The following ASTN1 variants were observed in gnomAD, a reference collection of about 807,000 sequenced individuals.
ASTN1 encodes astrotactin 1.
A neutral mutation model predicts 140.7 loss-of-function variants in ASTN1; 41 were observed. The observed-to-expected ratio is 0.29, with a 90% confidence interval of 0.23 to 0.38. ASTN1 has a LOEUF of 0.38. Among genes scored for constraint, ASTN1 ranks in the 10% least tolerant of loss-of-function variants. The probability of loss-of-function intolerance (pLI) is 1.00; values close to 1 mark genes in which losing one functional copy is unlikely to be tolerated. For missense variants in ASTN1, 1,479 were observed against 1,678.8 expected (o/e 0.88, Z 2.08); for synonymous variants, 640 against 652.2 (o/e 0.98, Z 0.29).
rs139750064 is a variant in ASTN1 at position 177,024,659 on chromosome 1, G to C, written c.1194C>G (p.Leu398=). 6.8e-6 allele frequency: 11 copies of C among 1,613,962 alleles called. No homozygotes were observed. Among genetic ancestry groups the C allele is most frequent in the Non-Finnish European group, 9.3e-6 (11 of 1,179,980 alleles). The stretch of plus-strand genomic sequence containing the variant: ...GGCAGTTGACGTGAGAGGAGCACAC[G>C]AGGCCAATCACACAGCTGGTGATGC... ...LISITSCVIG[L]VCSSHVNCPL... is the part of the protein sequence containing the mutation. Residue 398 remains leucine (L), a synonymous_variant, in exon 6 of 23, where the codon CTC becomes CTG. Coordinates refer to ENST00000361833, the MANE Select transcript of ASTN1 (RefSeq NM_004319.3).
At chr1:177,130,345 G>A (rs769810046) in intron 1 of ASTN1, among the ~76,000 whole-genome samples, 3 of 151,978 alleles carry the variant, frequency 2.0e-5, no homozygotes, top group African/African-American at 4.8e-5. Context: ...GTACCCTCCC[G>A]CCGCAGACCT....
At chr1:176,880,786 T>C (rs1668762316) in intron 20 of ASTN1, among the ~76,000 whole-genome samples, 1 of 152,172 alleles carries the variant, frequency 6.6e-6, no homozygotes, top group African/African-American at 2.4e-5. Flanking sequence ...GGAGTTAAGA[T>C]GCAAGGCTTG....
At chr1:176,880,394 A>T (rs1668746701) in intron 20 of ASTN1, among the ~76,000 whole-genome samples, 1 of 151,886 alleles carries the variant, frequency 6.6e-6, no homozygotes, top group South Asian at 2.1e-4. Context: ...TTTCTGAATT[A>T]TCTGTCTGCT....
intron 14 of ASTN1, among the ~76,000 whole-genome samples, chr1:176,943,157 C>A (rs2103106464): frequency 6.6e-6 from 1 of 152,036 alleles, no homozygotes; most frequent in Non-Finnish European, 1.5e-5. Context: ...AAATCTCAGT[C>A]AGCCGCCTCT....
At chr1:177,014,459 G>T (rs189568143) in intron 8 of ASTN1, among the ~76,000 whole-genome samples, 3 of 152,282 alleles carry the variant, frequency 2.0e-5, no homozygotes, top group African/African-American at 7.2e-5. Context: ...GTGGCTTCAT[G>T]TGTCTCCAAC....
intron 8 of ASTN1, chr1:176,976,529 T>A (rs1673371310): frequency 6.6e-6 from 1 of 152,242 alleles, no homozygotes; most frequent in Non-Finnish European, 1.5e-5. Context: ...TGGGGTTTTG[T>A]GGGTTAGCTC....
intron 2 of ASTN1, among the ~76,000 whole-genome samples, chr1:177,036,684 C>T (rs571969911): frequency 3.3e-5 from 5 of 152,110 alleles, no homozygotes; most frequent in Non-Finnish European, 7.4e-5. Flanking sequence ...AAAATATAGG[C>T]CCACCACTAC....
intron 2 of ASTN1, among the ~76,000 whole-genome samples, chr1:177,036,036 CTTTTTTT>C (rs869200407): frequency 7.6e-5 from 6 of 78,788 alleles, no homozygotes; most frequent in African/African-American, 1.1e-4. Flanking sequence ...CCTCAGCTTT[CTTTTTTT>C]TTTTTTTTTT....
intron 11 of ASTN1, among the ~76,000 whole-genome samples, chr1:176,951,144 C>T (rs906392311): frequency 1.3e-5 from 2 of 152,230 alleles, no homozygotes; most frequent in Admixed American, 1.3e-4. Context: ...AGCTGGAGTG[C>T]TGGAAGGTGA....
At chr1:176,969,349 C>A (rs1030231970) in intron 8 of ASTN1, among the ~76,000 whole-genome samples, 3 of 152,112 alleles carry the variant, frequency 2.0e-5, no homozygotes, top group African/African-American at 7.2e-5. Flanking sequence ...CCGTATGGGC[C>A]ACAGAGGAAA....
intron 11 of ASTN1, among the ~76,000 whole-genome samples, chr1:176,954,630 T>C (rs1672324863): frequency 6.6e-6 from 1 of 152,216 alleles, no homozygotes; most frequent in Admixed American, 6.5e-5. Flanking sequence ...GCTCACTCAA[T>C]AGACCAGAAA....
chr1:176,931,042 G>A (rs1000869465), intron 16 of ASTN1, among the ~76,000 whole-genome samples: 1 of 152,126 alleles, frequency 6.6e-6, no homozygotes, highest in Non-Finnish European at 1.5e-5. Flanking sequence ...GTCTGGAAAC[G>A]AAGAACCTCA....
At chr1:177,150,899 T>C (rs1324920736) in intron 1 of ASTN1, among the ~76,000 whole-genome samples, 1 of 152,168 alleles carries the variant, frequency 6.6e-6, no homozygotes, top group Non-Finnish European at 1.5e-5. Context: ...GTATAAGACA[T>C]ATTGAGTAGT....
At chr1:177,067,358 G>C (rs995929916) in intron 1 of ASTN1, among the ~76,000 whole-genome samples, 1 of 152,078 alleles carries the variant, frequency 6.6e-6, no homozygotes, top group East Asian at 1.9e-4. Context: ...ATTGAGCTCC[G>C]GACTTTAGTA....
chr1:176,977,328 T>G (rs1057250861), intron 8 of ASTN1, among the ~76,000 whole-genome samples: 4 of 152,236 alleles, frequency 2.6e-5, no homozygotes, highest in African/African-American at 9.6e-5. Context: ...AAAAATATTA[T>G]CCAGTTTCCA....
chr1:176,888,645 C>T (rs1424326056), intron 17 of ASTN1, among the ~76,000 whole-genome samples: 1 of 152,202 alleles, frequency 6.6e-6, no homozygotes, highest in Non-Finnish European at 1.5e-5. Flanking sequence ...CCCCAGTATT[C>T]CCTTTGCATT....
At chr1:176,937,304 A>C (rs967626874) in intron 14 of ASTN1, among the ~76,000 whole-genome samples, 1 of 152,218 alleles carries the variant, frequency 6.6e-6, no homozygotes, top group Non-Finnish European at 1.5e-5. Flanking sequence ...TATCAGGGTG[A>C]CTAAATCATT....
chr1:177,110,470 C>G (rs1346511094), intron 1 of ASTN1, among the ~76,000 whole-genome samples: 1 of 152,110 alleles, frequency 6.6e-6, no homozygotes, highest in Admixed American at 6.5e-5. Context: ...ATGCCTGTGT[C>G]CCTGACACAC....
Position 177,053,531 on chromosome 1 carries a change from G to C in ASTN1, c.471+7547C>G, listed in dbSNP as rs547855119. On this transcript the variant is annotated intron_variant, in intron 2 of 22. Transcript: ENST00000361833. Reference sequence around the variant, plus strand: ...AAATGCTCCCTGAAAGCAGAACTTTGTCTTATTCATTTCCTATCTACTTAG... The same window carrying C: ...AAATGCTCCCTGAAAGCAGAACTTTCTCTTATTCATTTCCTATCTACTTAG... Among the ~76,000 whole-genome samples, 10 of 152,196 alleles carry C rather than the reference G, an allele frequency of 6.6e-5. No homozygotes were observed. In the South Asian group the frequency reaches 2.1e-3, roughly 32 times the overall value.
Sources: gnomAD v4.1 joint callset for allele counts (sites outside exome capture counted in the v4.1 genomes callset) on GRCh38, gnomAD v4.1.1 for gene constraint, MANE v1.5 for transcripts, NCBI Gene and HGNC (gene_info 2026-07-23, HGNC 2026-07-21) for gene names.